The following ERBB4 variants were observed in gnomAD, a reference collection of about 807,000 sequenced individuals.
The protein encoded by ERBB4 is receptor tyrosine-protein kinase erbB-4.
Under a neutral mutation model 158.0 loss-of-function variants are expected in ERBB4, and 42 were observed. The observed-to-expected ratio is 0.27, with a 90% CI of 0.21 to 0.34. The LOEUF (loss-of-function observed/expected upper bound fraction) is 0.34, where lower values mean the gene tolerates loss of function less well. Ranked by LOEUF, ERBB4 falls within the 10% of genes least tolerant of loss-of-function variation. The pLI is 1.00. For synonymous variants in ERBB4, 583 were observed against 558.7 expected, an observed-to-expected ratio of 1.04 and a Z score of -0.61; for missense variants, 1,333 against 1,624.1, an observed-to-expected ratio of 0.82 and a Z score of 3.08.
chr2:211,766,805 A>AT (rs1382476802), intron 4 of ERBB4, among the ~76,000 whole-genome samples: 1 of 151,890 alleles, frequency 6.6e-6, no homozygotes. Flanking sequence ...ATCAAAGGCT[A>AT]CTCCTTTTGC....
chr2:212,030,853 T>C (rs2076886932), intron 2 of ERBB4, among the ~76,000 whole-genome samples: 2 of 152,078 alleles, frequency 1.3e-5, no homozygotes, highest in Non-Finnish European at 2.9e-5. Flanking sequence ...GTGGGTAGTT[T>C]GAAATTGAGC....
Position 212,059,392 on chromosome 2 carries a change from C to T in ERBB4, c.234+65360G>A, listed in dbSNP as rs549781229. 3.8e-4 allele frequency among the ~76,000 whole-genome samples: 58 copies of T among 152,204 alleles called. No homozygotes were observed. The South Asian group carries it at 0.011, about 28-fold the overall frequency. On this transcript the variant is annotated intron_variant, in intron 2 of 27. Coordinates refer to ENST00000342788, the MANE Select transcript of ERBB4 (RefSeq NM_005235.3). ...CAAGGTAATTTAATAGATCCAATGC[C>T]ATCCCCATCAAGCTACCAATGACTT... is the stretch of plus-strand genomic sequence containing the variant.
At chr2:212,215,356 G>T (rs553328587) in intron 1 of ERBB4, among the ~76,000 whole-genome samples, 49 of 151,580 alleles carry the variant, frequency 3.2e-4, no homozygotes, top group Non-Finnish European at 4.9e-4. Flanking sequence ...TTAGAGAAAA[G>T]TGACAAAAGC....
At chr2:212,534,654 G>A (rs1274075486) in intron 1 of ERBB4, among the ~76,000 whole-genome samples, 2 of 151,974 alleles carry the variant, frequency 1.3e-5, no homozygotes, top group Non-Finnish European at 2.9e-5. Flanking sequence ...GTGGCGGAAG[G>A]GAAAATATAT....
At chr2:211,832,701 G>T (rs1054267026) in intron 3 of ERBB4, among the ~76,000 whole-genome samples, 5 of 151,214 alleles carry the variant, frequency 3.3e-5, no homozygotes, top group Admixed American at 6.6e-5. Flanking sequence ...ATTTCAAAAA[G>T]GGGCTGGCAT....
intron 25 of ERBB4, among the ~76,000 whole-genome samples, chr2:211,397,089 TC>T (rs1559127226): frequency 6.6e-6 from 1 of 152,002 alleles, no homozygotes; most frequent in Non-Finnish European, 1.5e-5. Context: ...TTACAACTGA[TC>T]TAGGCCAAAA....
At chr2:212,371,729 C>A (rs923679351) in intron 1 of ERBB4, among the ~76,000 whole-genome samples, 3 of 152,090 alleles carry the variant, frequency 2.0e-5, no homozygotes, top group South Asian at 4.1e-4. Context: ...AATTCCCATA[C>A]TATAGATGAG....
At chr2:211,627,151 C>A (rs986987626) in intron 17 of ERBB4, among the ~76,000 whole-genome samples, 1 of 152,128 alleles carries the variant, frequency 6.6e-6, no homozygotes, top group African/African-American at 2.4e-5. Flanking sequence ...CTATTCCAAG[C>A]TTTCCTTTCC....
intron 2 of ERBB4, among the ~76,000 whole-genome samples, chr2:212,053,078 G>A (rs752840920): frequency 7.2e-5 from 11 of 152,150 alleles, no homozygotes; most frequent in Admixed American, 2.0e-4. Context: ...AGCACATTGA[G>A]AGGCCAAAAC....
intron 20 of ERBB4, among the ~76,000 whole-genome samples, chr2:211,533,441 A>T (rs28376619): frequency 6.6e-6 from 1 of 152,026 alleles, no homozygotes; most frequent in Non-Finnish European, 1.5e-5. Context: ...AAAGAAATGG[A>T]TATTCATAAT....
At chr2:211,945,085 A>C (rs1349054982) in intron 3 of ERBB4, among the ~76,000 whole-genome samples, 3 of 152,176 alleles carry the variant, frequency 2.0e-5, no homozygotes, top group African/African-American at 7.2e-5. Flanking sequence ...TTTCCGAAGC[A>C]CAAAAACAAT....
chr2:211,835,135 A>T (rs887593598), intron 3 of ERBB4, among the ~76,000 whole-genome samples: 3 of 142,946 alleles, frequency 2.1e-5, no homozygotes, highest in African/African-American at 7.7e-5. Context: ...ATGTTAAATA[A>T]TGGGGGATCT....
chr2:212,040,865 C>T (rs1257177400), intron 2 of ERBB4, among the ~76,000 whole-genome samples: 1 of 152,086 alleles, frequency 6.6e-6, no homozygotes, highest in African/African-American at 2.4e-5. Context: ...TATTTAATTG[C>T]TTTCTTCTCT....
intron 19 of ERBB4, among the ~76,000 whole-genome samples, chr2:211,618,954 C>G (rs2069492340): frequency 6.6e-6 from 1 of 151,994 alleles, no homozygotes; most frequent in African/African-American, 2.4e-5. Flanking sequence ...ACTCTAAAGG[C>G]AAGTTCTAGT....
intron 7 of ERBB4, among the ~76,000 whole-genome samples, chr2:211,717,168 A>T (rs1030332245): frequency 5.9e-5 from 9 of 152,296 alleles, no homozygotes; most frequent in African/African-American, 2.2e-4. Context: ...AAGGCATCCT[A>T]ATTTGAAGGT....
At chr2:212,040,814 G>A (rs1010210330) in intron 2 of ERBB4, among the ~76,000 whole-genome samples, 1 of 152,044 alleles carries the variant, frequency 6.6e-6, no homozygotes, top group Non-Finnish European at 1.5e-5. Context: ...TTTCACTGCC[G>A]TGAGATTGAT....
At chr2:211,985,461 C>T (rs1241231573) in intron 2 of ERBB4, among the ~76,000 whole-genome samples, 1 of 152,066 alleles carries the variant, frequency 6.6e-6, no homozygotes, top group Admixed American at 6.6e-5. Context: ...TAGAACAACT[C>T]CAGCAGAACA....
intron 3 of ERBB4, among the ~76,000 whole-genome samples, chr2:211,848,271 A>G (rs2077636709): frequency 1.3e-5 from 2 of 152,134 alleles, no homozygotes; most frequent in Non-Finnish European, 2.9e-5. Flanking sequence ...TCTGTGGGAT[A>G]GGCCACATCC....
At chr2:211,523,656 C>A (rs964824372) in intron 20 of ERBB4, among the ~76,000 whole-genome samples, 2 of 151,674 alleles carry the variant, frequency 1.3e-5, no homozygotes, top group African/African-American at 4.8e-5. Context: ...CTCGTGGTCC[C>A]GCCGGCTTCA....
Sources: gnomAD v4.1 joint callset for allele counts (sites outside exome capture counted in the v4.1 genomes callset) on GRCh38, gnomAD v4.1.1 for gene constraint, MANE v1.5 for transcripts, NCBI Gene and HGNC (gene_info 2026-07-23, HGNC 2026-07-21) for gene names.